GRM7: variants seen among roughly 807,000 people sequenced by gnomAD.
GRM7 encodes metabotropic glutamate receptor 7.
GRM7 carries 35 observed loss-of-function variants against 84.5 expected under a neutral mutation model. That is an observed-to-expected ratio of 0.41 (90% CI 0.32 to 0.55). GRM7 has a LOEUF of 0.55. Ranked by LOEUF, GRM7 falls within the 20% of genes least tolerant of loss-of-function variation. GRM7 has a pLI of 0.19. For synonymous variants in GRM7, 487 were observed against 455.1 expected, an observed-to-expected ratio of 1.07 and a Z score of -0.89; for missense variants, 1,003 against 1,194.6, an observed-to-expected ratio of 0.84 and a Z score of 2.36.
intron 1 of GRM7, among the ~76,000 whole-genome samples, chr3:6,949,036 G>T (rs28826047): frequency 6.6e-6 from 1 of 150,764 alleles, no homozygotes; most frequent in African/African-American, 2.4e-5. Context: ...CTTTTAATTG[G>T]AGCATTTAGC....
chr3:7,147,035 G>A lies in GRM7; in HGVS notation c.736+367G>A, dbSNP rs1694133142. 2.6e-5 allele frequency among the ~76,000 whole-genome samples: 4 copies of A among 152,284 alleles called. 1 individual carries two copies. The South Asian group carries it at 8.3e-4, about 32-fold the overall frequency. ...CCTCTCTGCCTCTCTCCAAAATGGAGAGAATAATTTAGAATTACGTGAATG... is the reference window on the plus strand; with the variant it reads ...CCTCTCTGCCTCTCTCCAAAATGGAAAGAATAATTTAGAATTACGTGAATG... On this transcript the variant is annotated intron_variant, in intron 2 of 9. Transcript: ENST00000357716.
At chr3:7,307,409 A>G (rs1398141206) in intron 4 of GRM7, among the ~76,000 whole-genome samples, 2 of 152,204 alleles carry the variant, frequency 1.3e-5, no homozygotes, top group African/African-American at 4.8e-5. Context: ...CTGATGGGCC[A>G]TGTCTCCAAA....
chr3:7,360,919 T>G (rs1575218734), intron 4 of GRM7, among the ~76,000 whole-genome samples: 1 of 152,122 alleles, frequency 6.6e-6, no homozygotes, highest in Non-Finnish European at 1.5e-5. Context: ...CAGGTTTTCC[T>G]GCATTCATGT....
intron 4 of GRM7, among the ~76,000 whole-genome samples, chr3:7,322,550 C>G (rs549667579): frequency 2.6e-5 from 4 of 151,550 alleles, no homozygotes; most frequent in Middle Eastern, 3.4e-3. Flanking sequence ...TATCCCTTGC[C>G]CCTCACCCCT....
intron 7 of GRM7, among the ~76,000 whole-genome samples, chr3:7,567,824 A>G (rs142228584): frequency 7.0e-6 from 1 of 142,034 alleles, no homozygotes; most frequent in East Asian, 2.4e-4. Flanking sequence ...AGGGTTTTTA[A>G]GGGCAGGGGT....
chr3:7,546,879 C>T (rs897465677), intron 7 of GRM7, among the ~76,000 whole-genome samples: 1 of 152,096 alleles, frequency 6.6e-6, no homozygotes, highest in Non-Finnish European at 1.5e-5. Context: ...ATGTAAATGC[C>T]GATGTTAGAG....
intron 6 of GRM7, among the ~76,000 whole-genome samples, chr3:7,456,727 C>T (rs1184121182): frequency 6.6e-6 from 1 of 151,450 alleles, no homozygotes; most frequent in Non-Finnish European, 1.5e-5. Flanking sequence ...TAATCACACT[C>T]TATGGTCAAC....
chr3:7,188,115 T>C lies in GRM7; in HGVS notation c.736+41447T>C, dbSNP rs1240271281. Among the ~76,000 whole-genome samples the C allele has an allele frequency of 1.3e-5, 2 of 152,180 alleles. No homozygotes were observed. The highest frequency in any genetic ancestry group is 4.8e-5 in the African/African-American group (2 of 41,530). On this transcript the variant is annotated intron_variant, in intron 2 of 9. Transcript: ENST00000357716. The surrounding 1 kb of genome is among the most constrained non-coding windows in gnomAD (Gnocchi z 4.2). The stretch of plus-strand genomic sequence containing the variant: ...GTATTGGCTATTATACTTAGCATTA[T>C]ACTTGGGCAGGAGGACAGAGAAGGG...
At chr3:7,046,162 C>CT (rs953483598) in intron 1 of GRM7, among the ~76,000 whole-genome samples, 2 of 151,988 alleles carry the variant, frequency 1.3e-5, no homozygotes, top group African/African-American at 4.8e-5. Context: ...CATTGTTATG[C>CT]TTTTTGTGGG....
chr3:7,693,793 T>A (rs377071447), intron 9 of GRM7: 1 of 678,580 alleles, frequency 1.5e-6, no homozygotes. Flanking sequence ...TTTGCATGAG[T>A]TTAGTCGGGG....
At chr3:7,347,643 G>C (rs960221278) in intron 4 of GRM7, among the ~76,000 whole-genome samples, 3 of 152,058 alleles carry the variant, frequency 2.0e-5, no homozygotes, top group Non-Finnish European at 4.4e-5. Flanking sequence ...TTGTTCTAAG[G>C]CTTTCCCAAA....
chr3:7,430,694 G>A (rs1438188465), intron 5 of GRM7, among the ~76,000 whole-genome samples: 2 of 152,178 alleles, frequency 1.3e-5, no homozygotes, highest in Non-Finnish European at 2.9e-5. Flanking sequence ...CAGTTGGGGG[G>A]ACAGTCCTCC....
At position 7,434,855 on chromosome 3, in the gene GRM7, A is replaced by T. The variant is rs190756452; in HGVS notation, c.1175-17752A>T. On this transcript the variant is annotated intron_variant, in intron 5 of 9. Coordinates refer to ENST00000357716, the MANE Select transcript of GRM7 (RefSeq NM_000844.4). ...CCTCTTCTACTCTCTGAAAGAGTTC[A>T]TGCATATTTTAGTAATGTTATATAT... Among the ~76,000 whole-genome samples, 152 of 152,288 alleles carry T rather than the reference A, an allele frequency of 1.0e-3. 1 individual carries two copies. The highest frequency in any genetic ancestry group is 3.5e-3 in the African/African-American group (145 of 41,572).
At chr3:6,886,108 TG>T (rs1389052109) in intron 1 of GRM7, among the ~76,000 whole-genome samples, 1 of 151,742 alleles carries the variant, frequency 6.6e-6, no homozygotes, top group Non-Finnish European at 1.5e-5. Flanking sequence ...TGTGTGTGTG[TG>T]GGTGTGTGTG....
At chr3:7,394,059 T>C (rs1695109038) in intron 4 of GRM7, among the ~76,000 whole-genome samples, 2 of 152,168 alleles carry the variant, frequency 1.3e-5, no homozygotes, top group Admixed American at 1.3e-4. Context: ...ATTATCATTC[T>C]TCGCATCTTA....
chr3:7,389,407 T>G (rs1016332487), intron 4 of GRM7, among the ~76,000 whole-genome samples: 1 of 152,100 alleles, frequency 6.6e-6, no homozygotes, highest in Non-Finnish European at 1.5e-5. Flanking sequence ...GTGAGAAATT[T>G]AGAATTTGTT....
At chr3:7,653,772 G>A (rs1292656352) in intron 8 of GRM7, among the ~76,000 whole-genome samples, 1 of 152,216 alleles carries the variant, frequency 6.6e-6, no homozygotes, top group Non-Finnish European at 1.5e-5. Flanking sequence ...AAACCTGCCT[G>A]AGAGCAGGGC....
intron 1 of GRM7, among the ~76,000 whole-genome samples, chr3:7,117,327 G>A (rs913914177): frequency 2.0e-5 from 3 of 152,178 alleles, no homozygotes; most frequent in Non-Finnish European, 2.9e-5. Context: ...AATCTGAAAA[G>A]AGCAAATAAT....
intron 7 of GRM7, among the ~76,000 whole-genome samples, chr3:7,552,624 C>T (rs893394451): frequency 1.3e-5 from 2 of 152,228 alleles, no homozygotes; most frequent in South Asian, 2.1e-4. Context: ...GCAGGCCCAA[C>T]ATCATGTGGA....
Sources: allele counts gnomAD v4.1 joint callset (sites outside exome capture counted in the v4.1 genomes callset), GRCh38; gene constraint gnomAD v4.1.1; non-coding constraint Gnocchi (gnomAD v3.1); transcripts MANE v1.5; gene names NCBI Gene and HGNC (gene_info 2026-07-23, HGNC 2026-07-21).